SCML4: variants seen among roughly 807,000 people sequenced by gnomAD.
SCML4 encodes Scm polycomb group protein like 4, also known as sex comb on midleg-like protein 4.
In SCML4, 34 loss-of-function variants were observed where a neutral mutation model predicts 41.1. The observed-to-expected ratio is 0.83, with a 90% CI of 0.63 to 1.10. The LOEUF is 1.10. Among genes scored for constraint, SCML4 ranks in the 50% least tolerant of loss-of-function variants. The pLI is 0.00. For missense variants in SCML4, 522 were observed against 534.1 expected, an observed-to-expected ratio of 0.98 and a Z score of 0.22; for synonymous variants, 214 against 220.9, an observed-to-expected ratio of 0.97 and a Z score of 0.28.
intron 5 of SCML4, among the ~76,000 whole-genome samples, chr6:107,728,121 A>C (rs1435588315): frequency 3.9e-5 from 6 of 152,250 alleles, no homozygotes; most frequent in Non-Finnish European, 8.8e-5. Context: ...TTTAACAAAA[A>C]CAGTACACTG....
chr6:107,799,529 A>G (rs1782949714), intron 1 of SCML4, among the ~76,000 whole-genome samples: 1 of 152,156 alleles, frequency 6.6e-6, no homozygotes, highest in Admixed American at 6.5e-5. Context: ...CTGCCTTTTA[A>G]TATGTGTTTG....
intron 6 of SCML4, among the ~76,000 whole-genome samples, chr6:107,715,996 A>T (rs903773979): frequency 1.3e-3 from 1 of 774 alleles, no homozygotes. Flanking sequence ...TTTGGGTGGG[A>T]GGGTGGGGTG....
At chr6:107,721,338 T>C (rs1775389606) in intron 5 of SCML4, among the ~76,000 whole-genome samples, 1 of 151,886 alleles carries the variant, frequency 6.6e-6, no homozygotes, top group Non-Finnish European at 1.5e-5. Context: ...CCAAGGCAGG[T>C]GGATCACCTG....
At chr6:107,729,105 A>G (rs1776281775) in intron 5 of SCML4, among the ~76,000 whole-genome samples, 1 of 152,188 alleles carries the variant, frequency 6.6e-6, no homozygotes, top group South Asian at 2.1e-4. Context: ...AATGCTTTCC[A>G]CTGGCGGGAC....
the SCML4 span, among the ~76,000 whole-genome samples, chr6:107,841,619 TTGAC>T: frequency 5.9e-5 from 9 of 152,178 alleles, no homozygotes; most frequent in Non-Finnish European, 1.2e-4. Flanking sequence ...TCAAAATAGA[TTGAC>T]TGTATGAACT....
intron 2 of SCML4, among the ~76,000 whole-genome samples, chr6:107,767,938 A>C (rs1443413787): frequency 6.6e-6 from 1 of 152,140 alleles, no homozygotes; most frequent in Non-Finnish European, 1.5e-5. Context: ...CAGCCACGTC[A>C]GACCAGGAGG....
At chr6:107,828,812 C>T (rs1041015352), upstream of SCML4, among the ~76,000 whole-genome samples, 8 of 152,146 alleles carry the variant, frequency 5.3e-5, no homozygotes, top group Non-Finnish European at 7.4e-5. Flanking sequence ...CCCAGTCTGT[C>T]GCTTCTTCAA....
At chr6:107,826,330 A>G (rs4946870), upstream of SCML4, among the ~76,000 whole-genome samples, 27,288 of 151,790 alleles carry the variant, frequency 0.18, 2,700 homozygotes, top group African/African-American at 0.25. Context: ...AAGGAAAGAA[A>G]AGGAAAGAAG....
rs757988706 is a variant in SCML4, at chr6:107,785,728, G to T, written c.-59-13342C>A. The stretch of plus-strand genomic sequence containing the variant: ...TTTGAGAAGTTAAATAGCTAGTAAG[G>T]GAGAGGAGACATCTGTACATGATAT... On this transcript the variant is annotated intron_variant, in intron 1 of 7. Transcript: ENST00000369020. Among the ~76,000 whole-genome samples the T allele has an allele frequency of 1.1e-4, 16 of 152,334 alleles. No individual in the cohort carries two copies. The South Asian group carries it at 2.3e-3, about 22-fold the overall frequency.
intron 5 of SCML4, among the ~76,000 whole-genome samples, chr6:107,734,426 GGTTAATAGTTATGGAGTAAATAACT>G (rs1429174486): frequency 6.6e-6 from 1 of 152,162 alleles, no homozygotes; most frequent in African/African-American, 2.4e-5. Context: ...TTCATTCATT[GGTTAATAGTTATGGAGTAAATAACT>G]TCCTCGGTAT....
At chr6:107,755,713 T>A in intron 2 of SCML4, 20 of 914,152 alleles carry the variant, frequency 2.2e-5, no homozygotes, top group East Asian at 6.1e-5. Context: ...ATGGACAAAA[T>A]AAAACACAGT....
At chr6:107,842,426 C>T in the SCML4 span, among the ~76,000 whole-genome samples, 1 of 152,172 alleles carries the variant, frequency 6.6e-6, no homozygotes, top group Non-Finnish European at 1.5e-5. Context: ...TCAATTAGGT[C>T]AAGTTGGTTG....
upstream of SCML4, among the ~76,000 whole-genome samples, chr6:107,826,792 G>A (rs537774535): frequency 9.9e-5 from 15 of 152,270 alleles, no homozygotes; most frequent in East Asian, 1.2e-3. Context: ...GCTTGGGCGC[G>A]GTGGCTCACG....
intron 1 of SCML4, among the ~76,000 whole-genome samples, chr6:107,782,237 G>C (rs1781560473): frequency 6.6e-6 from 1 of 152,214 alleles, no homozygotes; most frequent in African/African-American, 2.4e-5. Context: ...TCCTGGCCTG[G>C]CTCAGCTGTA....
chr6:107,751,622 CTTTCTTT>C (rs1487191357), intron 2 of SCML4, among the ~76,000 whole-genome samples: 101 of 147,126 alleles, frequency 6.9e-4, no homozygotes, highest in Non-Finnish European at 1.2e-3. Flanking sequence ...TTCTTTCTTT[CTTTCTTT>C]CTTTCTTTCT....
chr6:107,829,654 G>C, the SCML4 span, among the ~76,000 whole-genome samples: 1 of 152,256 alleles, frequency 6.6e-6, no homozygotes, highest in East Asian at 1.9e-4. Flanking sequence ...TTAAAACCTA[G>C]ATGACAGGTT....
the SCML4 span, among the ~76,000 whole-genome samples, chr6:107,843,855 G>A: frequency 6.6e-6 from 1 of 152,148 alleles, no homozygotes; most frequent in African/African-American, 2.4e-5. Flanking sequence ...AGATGGGAAG[G>A]TTGGCCAGTG....
At chr6:107,784,964 T>C (rs1781776189) in intron 1 of SCML4, among the ~76,000 whole-genome samples, 2 of 152,178 alleles carry the variant, frequency 1.3e-5, no homozygotes, top group South Asian at 4.1e-4. Flanking sequence ...GACATGACCC[T>C]GGACTTAGGG....
chr6:107,708,996 GC>G (rs1439242216), intron 6 of SCML4, among the ~76,000 whole-genome samples: 1 of 152,064 alleles, frequency 6.6e-6, no homozygotes, highest in African/African-American at 2.4e-5. Flanking sequence ...TTATTCTGAA[GC>G]TCTTGGGAGA....
Sources: gnomAD v4.1 joint callset for allele counts (sites outside exome capture counted in the v4.1 genomes callset) on GRCh38, gnomAD v4.1.1 for gene constraint, MANE v1.5 for transcripts, NCBI Gene and HGNC (gene_info 2026-07-23, HGNC 2026-07-21) for gene names.